Variants in MARCHF1 observed in about 807,000 individuals in gnomAD.
MARCHF1 encodes E3 ubiquitin-protein ligase MARCHF1.
Under a neutral mutation model 54.2 loss-of-function variants are expected in MARCHF1, and 40 were observed. That is an observed-to-expected ratio of 0.74 (90% CI 0.57 to 0.96). The LOEUF is 0.96. MARCHF1 is among the 40% of genes least tolerant of loss of function. The probability of loss-of-function intolerance (pLI) is 0.00; values close to 1 mark genes in which losing one functional copy is unlikely to be tolerated. For synonymous variants in MARCHF1, 236 were observed against 236.3 expected (o/e 1.00, Z 0.01); for missense variants, 586 against 656.5 (o/e 0.89, Z 1.17).
chr4:163,785,329 C>A (rs1747585754), intron 4 of MARCHF1, among the ~76,000 whole-genome samples: 1 of 152,078 alleles, frequency 6.6e-6, no homozygotes, highest in Admixed American at 6.6e-5. Context: ...ATACCAATGT[C>A]CACAGTTCAC....
At chr4:163,904,103 G>T (rs572772559) in intron 3 of MARCHF1, among the ~76,000 whole-genome samples, 4 of 151,990 alleles carry the variant, frequency 2.6e-5, no homozygotes, top group Non-Finnish European at 5.9e-5. Context: ...TTACTTAACT[G>T]TGACTAATAA....
chr4:164,154,088 A>G (rs1672609850), intron 1 of MARCHF1, among the ~76,000 whole-genome samples: 1 of 152,234 alleles, frequency 6.6e-6, no homozygotes, highest in Admixed American at 6.5e-5. Flanking sequence ...TTAAACAAAT[A>G]TTCTTTCAAA....
rs1741391192 is a variant in MARCHF1 at position 163,612,879 on chromosome 4, T to C, written c.402A>G (p.Glu134=). ...ASERYEHAAE[E]QIRGRKNDFH... is the part of the protein sequence containing the mutation. ...AGTCATTTTTTCTCCCTCTTATTTG[T>C]TCTTCTGCAGCATGCTCATATCTCT... is the stretch of plus-strand genomic sequence containing the variant. Residue 134 remains glutamate (E), a synonymous_variant, in exon 7 of 10, where the codon GAA becomes GAG. Coordinates refer to ENST00000514618, the MANE Select transcript of MARCHF1 (RefSeq NM_001394959.1). 1.3e-6 allele frequency: 2 copies of C among 1,535,524 alleles called. No homozygotes were observed. The highest frequency in any genetic ancestry group is 1.7e-6 in the Non-Finnish European group (2 of 1,146,536).
intron 5 of MARCHF1, among the ~76,000 whole-genome samples, chr4:163,676,602 A>C (rs1012142207): frequency 3.3e-5 from 5 of 151,976 alleles, no homozygotes; most frequent in African/African-American, 1.2e-4. Flanking sequence ...TAACTAATTA[A>C]AAAATTGGCA....
At chr4:164,276,073 T>C (rs1404111801) in intron 1 of MARCHF1, among the ~76,000 whole-genome samples, 3 of 152,184 alleles carry the variant, frequency 2.0e-5, no homozygotes, top group African/African-American at 7.2e-5. Flanking sequence ...CTTCTTTTCA[T>C]ATTTTTGAAA....
rs553152889 is a variant in MARCHF1 at position 164,160,313 on chromosome 4, A to G, written c.-322-48651T>C. On this transcript the variant is annotated intron_variant, in intron 1 of 9. Transcript: ENST00000514618. ...CTAAATGGTATAGCCTATTCCTCCT[A>G]GGTTACAAACCTGTATAGCATGTGA... Among the ~76,000 whole-genome samples the G allele has an allele frequency of 2.0e-5, 3 of 152,234 alleles. No homozygotes were observed. In the East Asian group the frequency reaches 5.8e-4, roughly 29 times the overall value.
At chr4:163,801,765 G>A (rs1161463542) in intron 4 of MARCHF1, among the ~76,000 whole-genome samples, 2 of 151,966 alleles carry the variant, frequency 1.3e-5, no homozygotes, top group Non-Finnish European at 2.9e-5. Context: ...CATACAAATA[G>A]AATAACAATA....
chr4:164,074,326 G>A (rs1754930380), intron 2 of MARCHF1, among the ~76,000 whole-genome samples: 1 of 152,064 alleles, frequency 6.6e-6, no homozygotes. Flanking sequence ...AACAAGTTCC[G>A]AGTAAGTATC....
intron 2 of MARCHF1, among the ~76,000 whole-genome samples, chr4:164,042,661 C>T (rs1160340882): frequency 6.6e-6 from 1 of 152,134 alleles, no homozygotes; most frequent in East Asian, 1.9e-4. Context: ...ATACAATTAC[C>T]CTTCTCAGCA....
chr4:163,817,723 G>A (rs1212742571), intron 4 of MARCHF1, among the ~76,000 whole-genome samples: 4 of 151,924 alleles, frequency 2.6e-5, no homozygotes, highest in Admixed American at 2.6e-4. Context: ...GTTTACGTAT[G>A]TTTTGAAAGC....
intron 4 of MARCHF1, among the ~76,000 whole-genome samples, chr4:163,836,256 T>G (rs1228793948): frequency 1.3e-5 from 1 of 76,362 alleles, no homozygotes; most frequent in African/African-American, 4.9e-5. Flanking sequence ...TATTTATTTA[T>G]TTATTTAGAG....
At chr4:164,365,790 T>C (rs1008474498) in intron 1 of MARCHF1, among the ~76,000 whole-genome samples, 4 of 152,026 alleles carry the variant, frequency 2.6e-5, no homozygotes, top group African/African-American at 9.7e-5. Flanking sequence ...TTTTGACAGG[T>C]CTCATTAACT....
At chr4:163,916,204 G>A (rs1485100105) in intron 3 of MARCHF1, among the ~76,000 whole-genome samples, 1 of 152,164 alleles carries the variant, frequency 6.6e-6, no homozygotes, top group Non-Finnish European at 1.5e-5. Flanking sequence ...CAGGCAAAAA[G>A]CAACAATCAC....
At position 164,340,405 on chromosome 4, in the gene MARCHF1, T is replaced by TTATATATATATATATATATATATA. The variant is rs1554002572; in HGVS notation, c.-323+43464_-323+43465insTATATATATATATATATATATATA. On this transcript the variant is annotated intron_variant, in intron 1 of 9. Transcript: ENST00000514618. ...ACAGCACATGCCACCAGGCCTTGAT[T>TTATATATATATATATATATATATA]TATATATAGATATATATATATATAT... 1.3e-3 allele frequency among the ~76,000 whole-genome samples: 120 copies of TTATATATATATATATATATATATA among 95,594 alleles called. 5 individuals carry two copies. Among genetic ancestry groups the TTATATATATATATATATATATATA allele is most frequent in the Non-Finnish European group, 1.9e-3 (85 of 45,916 alleles). 62.7% of individuals were successfully genotyped at this position (95,594 alleles called of 152,430 possible). A position where few individuals can be genotyped will look rare whatever the true frequency, so the allele number is the denominator to read the frequency against.
At chr4:164,115,262 G>A (rs150008722) in intron 1 of MARCHF1, among the ~76,000 whole-genome samples, 80 of 152,088 alleles carry the variant, frequency 5.3e-4, no homozygotes, top group Non-Finnish European at 8.1e-4. Flanking sequence ...ATGAGGAAAC[G>A]TGAATAAAAT....
At chr4:164,098,603 A>G (rs1407708213) in intron 2 of MARCHF1, among the ~76,000 whole-genome samples, 3 of 152,228 alleles carry the variant, frequency 2.0e-5, no homozygotes, top group Non-Finnish European at 4.4e-5. Context: ...GTGTGTCACA[A>G]CGAAAGTGAT....
intron 4 of MARCHF1, among the ~76,000 whole-genome samples, chr4:163,825,515 C>T (rs1371676911): frequency 6.6e-6 from 1 of 152,012 alleles, no homozygotes; most frequent in Admixed American, 6.6e-5. Flanking sequence ...TCAGAAATCG[C>T]CAAACTGCTT....
At chr4:164,128,957 G>A (rs1327848853) in intron 1 of MARCHF1, among the ~76,000 whole-genome samples, 1 of 152,088 alleles carries the variant, frequency 6.6e-6, no homozygotes, top group Admixed American at 6.6e-5. Context: ...TTTAACAACT[G>A]TTCTGTTGTC....
intron 3 of MARCHF1, among the ~76,000 whole-genome samples, chr4:163,945,490 G>A (rs563915945): frequency 4.6e-5 from 7 of 152,180 alleles, no homozygotes; most frequent in African/African-American, 1.4e-4. Context: ...CTAAACTAGT[G>A]TATCCAACAG....
Sources: allele counts gnomAD v4.1 joint callset (sites outside exome capture counted in the v4.1 genomes callset), GRCh38; gene constraint gnomAD v4.1.1; transcripts MANE v1.5; gene names NCBI Gene and HGNC (gene_info 2026-07-23, HGNC 2026-07-21).